Variants in PLCH1 observed in about 807,000 individuals in gnomAD.
PLCH1 encodes the protein 1-phosphatidylinositol 4,5-bisphosphate phosphodiesterase eta-1.
In PLCH1, 60 loss-of-function variants were observed where a neutral mutation model predicts 126.7. The ratio of observed to expected loss-of-function variants is 0.47; its 90% CI spans 0.38 to 0.59. The LOEUF (loss-of-function observed/expected upper bound fraction) is 0.59. Ranked by LOEUF, PLCH1 falls within the 20% of genes least tolerant of loss-of-function variation. The pLI is 0.00. For synonymous variants in PLCH1, 719 were observed against 734.9 expected (o/e 0.98, Z 0.35); for missense variants, 1,723 against 2,040.0 (o/e 0.84, Z 2.99).
chr3:155,645,262 T>C (rs1226732351), intron 2 of PLCH1, among the ~76,000 whole-genome samples: 2 of 152,182 alleles, frequency 1.3e-5, no homozygotes, highest in African/African-American at 2.4e-5. Flanking sequence ...ACTGTGGCTA[T>C]TCACAGGCAC....
intron 2 of PLCH1, among the ~76,000 whole-genome samples, chr3:155,630,508 T>C (rs1478991173): frequency 6.6e-6 from 1 of 152,204 alleles, no homozygotes; most frequent in Non-Finnish European, 1.5e-5. Flanking sequence ...ATAGATAAAC[T>C]TCCTAAATCA....
At chr3:155,637,240 C>T (rs1738837681) in intron 2 of PLCH1, among the ~76,000 whole-genome samples, 1 of 152,180 alleles carries the variant, frequency 6.6e-6, no homozygotes, top group Admixed American at 6.5e-5. Flanking sequence ...ATAAAACTGA[C>T]TAGGATAAAT....
rs2108240688 is a variant in PLCH1, at chr3:155,514,745, C to A, written c.1610G>T (p.Gly537Val). The A allele has an allele frequency of 6.3e-7, 1 of 1,593,704 alleles. No individual in the cohort carries two copies. Among genetic ancestry groups the A allele is most frequent in the Non-Finnish European group, 8.6e-7 (1 of 1,167,984 alleles). ...VRALLKATHE[G>V]LNAHLKQSPD... ...TACCTGCTTCAGGTGTGCATTTAAGCCTTCATGCGTGGCCTTCAGTAGTGC... is the reference window on the plus strand; with the variant it reads ...TACCTGCTTCAGGTGTGCATTTAAGACTTCATGCGTGGCCTTCAGTAGTGC... The change falls in exon 12 of 23, where the codon GGC becomes GTC. Residue 537 changes from glycine (G) to valine (V), a missense_variant. Physicochemically the swap from Gly to Val is moderately radical, Grantham distance 109 (BLOSUM62 -3). Transcript: ENST00000460012.
At chr3:155,586,890 A>T (rs757830624) in intron 4 of PLCH1, among the ~76,000 whole-genome samples, 3 of 152,216 alleles carry the variant, frequency 2.0e-5, no homozygotes, top group Admixed American at 2.0e-4. Context: ...ATCCTCATGG[A>T]TACTAAAACC....
chr3:155,705,125 C>T (rs2109085514), intron 1 of PLCH1, among the ~76,000 whole-genome samples: 1 of 152,288 alleles, frequency 6.6e-6, no homozygotes, highest in Admixed American at 6.5e-5. Flanking sequence ...AAGCAAAACC[C>T]ACAGGTGGAA....
At chr3:155,597,955 G>A (rs929242563) in intron 2 of PLCH1, among the ~76,000 whole-genome samples, 2 of 152,024 alleles carry the variant, frequency 1.3e-5, no homozygotes, top group African/African-American at 2.4e-5. Flanking sequence ...AGGCCGAGGC[G>A]GGTGGATCAC....
At chr3:155,537,201 C>CAAA (rs1560128167) in intron 10 of PLCH1, among the ~76,000 whole-genome samples, 4 of 132,108 alleles carry the variant, frequency 3.0e-5, no homozygotes, top group African/African-American at 8.9e-5. Flanking sequence ...AAAAAAAAAA[C>CAAA]CAAAAAAAAA....
chr3:155,619,498 T>TAA (rs1553857946), intron 2 of PLCH1, among the ~76,000 whole-genome samples: 6 of 133,516 alleles, frequency 4.5e-5, no homozygotes, highest in Admixed American at 1.5e-4. Context: ...ACAGAAAAAG[T>TAA]AAAAAAAAAA....
At chr3:155,491,725 G>A (rs1716234017) in intron 18 of PLCH1, among the ~76,000 whole-genome samples, 1 of 152,174 alleles carries the variant, frequency 6.6e-6, no homozygotes, top group South Asian at 2.1e-4. Flanking sequence ...ATAGGGGTTG[G>A]TGTTTGCTAT....
At chr3:155,567,747 T>G (rs1250344828) in intron 7 of PLCH1, among the ~76,000 whole-genome samples, 1 of 152,228 alleles carries the variant, frequency 6.6e-6, no homozygotes, top group Non-Finnish European at 1.5e-5. Context: ...TGAGCCTCAC[T>G]TCCTCAACTA....
intron 8 of PLCH1, among the ~76,000 whole-genome samples, chr3:155,555,690 C>G (rs912350039): frequency 2.0e-5 from 3 of 152,198 alleles, no homozygotes; most frequent in African/African-American, 7.2e-5. Context: ...TTCTCACACA[C>G]ATTCCCACCT....
intron 11 of PLCH1, among the ~76,000 whole-genome samples, chr3:155,515,108 C>G (rs1720137263): frequency 1.3e-5 from 2 of 152,230 alleles, no homozygotes; most frequent in African/African-American, 2.4e-5. Context: ...AGCTACTCTT[C>G]ATGTGACTGC....
chr3:155,539,733 T>A (rs1490889659), intron 10 of PLCH1, among the ~76,000 whole-genome samples: 1 of 152,056 alleles, frequency 6.6e-6, no homozygotes, highest in Non-Finnish European at 1.5e-5. Flanking sequence ...CTGAAAGAAA[T>A]CATAGATGAC....
At chr3:155,601,817 T>C (rs1419966057) in intron 2 of PLCH1, among the ~76,000 whole-genome samples, 1 of 152,166 alleles carries the variant, frequency 6.6e-6, no homozygotes, top group Non-Finnish European at 1.5e-5. Context: ...ACACAACATT[T>C]CCATTATCCC....
At chr3:155,685,748 C>T (rs767222451) in intron 2 of PLCH1, among the ~76,000 whole-genome samples, 59 of 152,162 alleles carry the variant, frequency 3.9e-4, no homozygotes, top group Non-Finnish European at 7.3e-4. Context: ...GGATGAGCTA[C>T]ATAATCTGCT....
At chr3:155,587,973 A>T (rs979836272) in intron 4 of PLCH1, among the ~76,000 whole-genome samples, 14 of 152,208 alleles carry the variant, frequency 9.2e-5, no homozygotes, top group African/African-American at 3.4e-4. Context: ...GAATCAAAGT[A>T]AGCTAAAGGT....
chr3:155,531,701 C>T (rs1722704362), intron 10 of PLCH1, among the ~76,000 whole-genome samples: 1 of 152,230 alleles, frequency 6.6e-6, no homozygotes, highest in Non-Finnish European at 1.5e-5. Context: ...AGATCCCTTG[C>T]TGCAGCTTCT....
At chr3:155,503,363 T>C (rs1407770805) in intron 13 of PLCH1, among the ~76,000 whole-genome samples, 2 of 152,208 alleles carry the variant, frequency 1.3e-5, no homozygotes, top group African/African-American at 2.4e-5. Context: ...CTCAACATCA[T>C]GTTTATAAAG....
At chr3:155,514,971 A>G (rs569296803) in intron 11 of PLCH1, 87 bp from the exon 12 acceptor site, 13 of 803,232 alleles carry the variant, frequency 1.6e-5, no homozygotes, top group African/African-American at 1.0e-4. Flanking sequence ...AATTGCTTCT[A>G]TAATTTCACT....
Sources: allele counts gnomAD v4.1 joint callset (sites outside exome capture counted in the v4.1 genomes callset), GRCh38; gene constraint gnomAD v4.1.1; transcripts MANE v1.5; gene names NCBI Gene and HGNC (gene_info 2026-07-23, HGNC 2026-07-21).